SHOC1: variants seen among roughly 807,000 people sequenced by gnomAD.
SHOC1 encodes the protein shortage in chiasmata 1, also known as protein shortage in chiasmata 1 ortholog.
In SHOC1, 136 loss-of-function variants were observed where a neutral mutation model predicts 179.2. The observed-to-expected ratio is 0.76, with a 90% CI of 0.66 to 0.87. The LOEUF (loss-of-function observed/expected upper bound fraction) is 0.87. Among genes scored for constraint, SHOC1 ranks in the 40% least tolerant of loss-of-function variants. SHOC1 has a pLI of 0.00. For missense variants in SHOC1, 1,538 were observed against 1,700.8 expected, an observed-to-expected ratio of 0.90 and a Z score of 1.68; for synonymous variants, 489 against 586.6, an observed-to-expected ratio of 0.83 and a Z score of 2.41.
At chr9:111,768,263 T>A (rs540950796) in intron 5 of SHOC1, among the ~76,000 whole-genome samples, 2 of 151,828 alleles carry the variant, frequency 1.3e-5, no homozygotes, top group African/African-American at 4.8e-5. Context: ...TCTTACTCTG[T>A]CACCCAGGCT....
intron 8 of SHOC1, among the ~76,000 whole-genome samples, chr9:111,756,108 G>A (rs1181204392): frequency 6.6e-6 from 1 of 151,754 alleles, no homozygotes. Context: ...GGCAACAAGA[G>A]CGAAATTTTG....
intron 2 of SHOC1, among the ~76,000 whole-genome samples, chr9:111,789,531 C>G (rs954662171): frequency 2.6e-5 from 4 of 152,026 alleles, no homozygotes; most frequent in African/African-American, 4.8e-5. Context: ...GCATCTCTGA[C>G]TCCTTTGATA....
At chr9:111,741,257 A>G (rs1291453177) in intron 11 of SHOC1, among the ~76,000 whole-genome samples, 1 of 152,014 alleles carries the variant, frequency 6.6e-6, no homozygotes, top group African/African-American at 2.4e-5. Flanking sequence ...TCTCCCATGT[A>G]TAGGAATTAC....
intron 12 of SHOC1, 74 bp downstream of exon 12, chr9:111,738,206 G>C (rs1389767756): frequency 7.4e-7 from 1 of 1,357,122 alleles, no homozygotes; most frequent in Non-Finnish European, 1.0e-6. Flanking sequence ...CAATTACCTA[G>C]AGGAAATCCA....
intron 19 of SHOC1, among the ~76,000 whole-genome samples, chr9:111,707,202 C>A (rs1015299827): frequency 3.3e-5 from 5 of 151,818 alleles, no homozygotes; most frequent in South Asian, 4.1e-4. Flanking sequence ...ACTTAAATAT[C>A]ATAAATTTAG....
chr9:111,714,497 T>C lies in SHOC1; in HGVS notation c.2363A>G (p.Gln788Arg). ...GKKPETNYKI[Q>R]ELQCQILSWM... ...ACTTAGTATCTGACATTGCAATTCT[T>C]GTATCTTGTAGTTGGTTTCAGGCTT... The change falls in exon 17 of 28, where the codon CAA becomes CGA. Residue 788 changes from glutamine to arginine, a missense_variant. Coordinates refer to ENST00000682961, the MANE Select transcript of SHOC1 (RefSeq NM_001378211.1). The C allele has an allele frequency of 6.2e-7, 1 of 1,614,034 alleles. No individual in the cohort carries two copies. Among genetic ancestry groups the C allele is most frequent in the Non-Finnish European group, 8.5e-7 (1 of 1,179,954 alleles).
rs764277534 is a variant in SHOC1 at position 111,691,926 on chromosome 9, C to G, written c.4051G>C (p.Gly1351Arg). The G allele has an allele frequency of 9.9e-6, 16 of 1,613,732 alleles. No homozygotes were observed. The highest frequency in any genetic ancestry group is 1.4e-5 in the Non-Finnish European group (16 of 1,179,928). ...TTCCAATGAAGAGGAGATTGAGTGC[C>G]CTCTAGTGAAAAGATAGGGTCCGAT... is the stretch of plus-strand genomic sequence containing the variant. ...DVSDPIFSLE[G>R]TQSPLHWNFK... The change falls in exon 27 of 28, where the codon GGC becomes CGC. Residue 1351 changes from glycine to arginine, a missense_variant. Gly to Arg is a moderately radical substitution (Grantham distance 125). Coordinates refer to ENST00000682961, the MANE Select transcript of SHOC1 (RefSeq NM_001378211.1).
chr9:111,773,820 T>C (rs548091601), intron 5 of SHOC1, among the ~76,000 whole-genome samples: 4 of 152,182 alleles, frequency 2.6e-5, no homozygotes, highest in Non-Finnish European at 5.9e-5. Context: ...TTTGAAATTA[T>C]AATTTAGTAA....
intron 16 of SHOC1, among the ~76,000 whole-genome samples, chr9:111,716,381 C>CTTT (rs34548781): frequency 3.0e-5 from 2 of 67,738 alleles, no homozygotes; most frequent in African/African-American, 5.7e-5. Flanking sequence ...TCTTTTCTCC[C>CTTT]TTTTTTTTTT....
At chr9:111,747,580 A>T (rs1220797566) in intron 9 of SHOC1, among the ~76,000 whole-genome samples, 2 of 151,658 alleles carry the variant, frequency 1.3e-5, no homozygotes, top group Non-Finnish European at 2.9e-5. Flanking sequence ...TTTGTTATTC[A>T]GGGGTTTTTT....
chr9:111,755,737 A>G (rs1474682919), intron 8 of SHOC1, among the ~76,000 whole-genome samples: 1 of 152,224 alleles, frequency 6.6e-6, no homozygotes, highest in African/African-American at 2.4e-5. Flanking sequence ...AACTCTTCAA[A>G]AATTTGTATA....
chr9:111,737,648 A>C (rs1564136948), intron 12 of SHOC1, among the ~76,000 whole-genome samples: 1 of 150,358 alleles, frequency 6.7e-6, no homozygotes, highest in Non-Finnish European at 1.5e-5. Flanking sequence ...CAACAGAGTG[A>C]GACTATGTCT....
intron 15 of SHOC1, among the ~76,000 whole-genome samples, chr9:111,720,101 A>G (rs1433340023): frequency 6.6e-6 from 1 of 152,216 alleles, no homozygotes; most frequent in Admixed American, 6.5e-5. Context: ...AAATGCCACC[A>G]AACAAGTGGT....
At chr9:111,696,683 T>C (rs1422609386) in intron 24 of SHOC1, among the ~76,000 whole-genome samples, 1 of 152,196 alleles carries the variant, frequency 6.6e-6, no homozygotes, top group Non-Finnish European at 1.5e-5. Context: ...GCCATGTTGC[T>C]GTATTTGAAT....
At chr9:111,750,158 ATT>A (rs1242424915) in intron 8 of SHOC1, among the ~76,000 whole-genome samples, 3 of 152,250 alleles carry the variant, frequency 2.0e-5, no homozygotes, top group South Asian at 2.1e-4. Context: ...GTGTAAAAGC[ATT>A]CATTCCTTTT....
At chr9:111,778,632 G>A (rs1175376647) in intron 4 of SHOC1, among the ~76,000 whole-genome samples, 1 of 151,676 alleles carries the variant, frequency 6.6e-6, no homozygotes, top group African/African-American at 2.4e-5. Context: ...TTAGCTGGGG[G>A]TGTTAGTGGA....
intron 13 of SHOC1, among the ~76,000 whole-genome samples, chr9:111,725,956 T>C (rs761129873): frequency 6.6e-6 from 1 of 152,180 alleles, no homozygotes; most frequent in Non-Finnish European, 1.5e-5. Flanking sequence ...AACCAGAAGA[T>C]GTCAGTGTTA....
chr9:111,759,334 C>T, intron 5 of SHOC1: 3 of 1,540,088 alleles, frequency 1.9e-6, no homozygotes, highest in Non-Finnish European at 2.6e-6. Flanking sequence ...GAGACTGATT[C>T]TATTATTCTT....
chr9:111,697,477 T>A (rs1831753974), intron 24 of SHOC1, among the ~76,000 whole-genome samples: 1 of 152,152 alleles, frequency 6.6e-6, no homozygotes, highest in South Asian at 2.1e-4. Flanking sequence ...TTGCTCAGAA[T>A]GATGGTTTCC....
Sources: gnomAD v4.1 joint callset for allele counts (sites outside exome capture counted in the v4.1 genomes callset) on GRCh38, gnomAD v4.1.1 for gene constraint, MANE v1.5 for transcripts, NCBI Gene and HGNC (gene_info 2026-07-23, HGNC 2026-07-21) for gene names.